AGBL1: variants seen among roughly 807,000 people sequenced by gnomAD.
The protein encoded by AGBL1 is AGBL carboxypeptidase 1.
A neutral mutation model predicts 118.9 loss-of-function variants in AGBL1; 130 were observed. The ratio of observed to expected loss-of-function variants is 1.09; its 90% CI spans 0.95 to 1.26. The LOEUF is 1.26. AGBL1 is among the 50% of genes most tolerant of loss of function. The probability of loss-of-function intolerance (pLI) is 0.00; values close to 1 mark genes in which losing one functional copy is unlikely to be tolerated. For missense variants in AGBL1, 1,584 were observed against 1,298.1 expected, an observed-to-expected ratio of 1.22 and a Z score of -3.38; for synonymous variants, 555 against 478.9, an observed-to-expected ratio of 1.16 and a Z score of -2.08.
chr15:86,754,344 T>C (rs768674701), intron 22 of AGBL1, among the ~76,000 whole-genome samples: 14 of 152,226 alleles, frequency 9.2e-5, no homozygotes, highest in Non-Finnish European at 2.1e-4. Context: ...AGCAACTTGA[T>C]TTTTGGAACT....
chr15:86,332,571 A>G (rs2080289152), intron 17 of AGBL1, among the ~76,000 whole-genome samples: 1 of 150,378 alleles, frequency 6.6e-6, no homozygotes, highest in Non-Finnish European at 1.5e-5. Context: ...GCGTGAACCC[A>G]GGAGGTGGAG....
At position 86,530,670 on chromosome 15, in the gene AGBL1, C is replaced by T. The variant is rs528064592; in HGVS notation, c.2685+7731C>T. On this transcript the variant is annotated intron_variant, in intron 19 of 22. Transcript: ENST00000614907. ...ACAGAATATACATTCTTCTCAGCAC[C>T]ACACCACACCTATTCCAAAATTGAC... 2.6e-3 allele frequency among the ~76,000 whole-genome samples: 401 copies of T among 151,910 alleles called. 1 individual carries two copies. The highest frequency in any genetic ancestry group is 4.0e-3 in the Non-Finnish European group (270 of 67,956).
intron 18 of AGBL1, among the ~76,000 whole-genome samples, chr15:86,471,158 G>T (rs73457604): frequency 0.16 from 24,396 of 152,010 alleles, 2,334 homozygotes; most frequent in African/African-American, 0.26. Flanking sequence ...TTAGTTGTGG[G>T]ATTGACATAA....
chr15:86,886,959 A>T (rs946100588), intron 22 of AGBL1, among the ~76,000 whole-genome samples: 1 of 152,316 alleles, frequency 6.6e-6, no homozygotes, highest in Non-Finnish European at 1.5e-5. Flanking sequence ...ACAGAAGATG[A>T]CACAGATCAA....
At chr15:86,184,841 CA>C (rs1303858124) in intron 5 of AGBL1, among the ~76,000 whole-genome samples, 1 of 152,076 alleles carries the variant, frequency 6.6e-6, no homozygotes, top group East Asian at 1.9e-4. Flanking sequence ...AATCCTAAGC[CA>C]AAAGAACAGA....
chr15:86,984,586 G>A (rs1380297852), intron 23 of AGBL1, among the ~76,000 whole-genome samples: 1 of 151,850 alleles, frequency 6.6e-6, no homozygotes, highest in Non-Finnish European at 1.5e-5. Flanking sequence ...GGCTCGTCTT[G>A]AACACCTGAC....
chr15:86,541,837 A>T (rs1246618453), intron 19 of AGBL1, among the ~76,000 whole-genome samples: 2 of 152,174 alleles, frequency 1.3e-5, no homozygotes, highest in East Asian at 3.8e-4. Flanking sequence ...TGATCTCCTA[A>T]CTAGAATCAA....
At chr15:86,972,166 A>C (rs902676973) in intron 23 of AGBL1, among the ~76,000 whole-genome samples, 2 of 152,070 alleles carry the variant, frequency 1.3e-5, no homozygotes, top group African/African-American at 4.8e-5. Context: ...CTCAGAATCC[A>C]TCTTAACACA....
intron 16 of AGBL1, among the ~76,000 whole-genome samples, chr15:86,285,767 A>G (rs190313772): frequency 6.6e-6 from 1 of 152,336 alleles, no homozygotes; most frequent in East Asian, 1.9e-4. Flanking sequence ...ATAATAACAA[A>G]TTAAAAGATA....
chr15:86,573,598 T>C (rs1377886429), intron 21 of AGBL1, among the ~76,000 whole-genome samples: 2 of 152,206 alleles, frequency 1.3e-5, no homozygotes, highest in African/African-American at 4.8e-5. Flanking sequence ...TTCCTCCTCC[T>C]TTCGTATTCT....
chr15:86,876,273 A>C (rs1425121708), intron 22 of AGBL1, among the ~76,000 whole-genome samples: 1 of 152,164 alleles, frequency 6.6e-6, no homozygotes, highest in Non-Finnish European at 1.5e-5. Context: ...GGAAGGTCAC[A>C]ACCCAGTAAC....
At chr15:86,508,933 G>A (rs917792932) in intron 18 of AGBL1, among the ~76,000 whole-genome samples, 3 of 152,142 alleles carry the variant, frequency 2.0e-5, no homozygotes, top group Non-Finnish European at 4.4e-5. Context: ...TGCCTTAAGT[G>A]TGTTATGACA....
chr15:86,770,886 T>C (rs376530881), intron 22 of AGBL1, among the ~76,000 whole-genome samples: 10 of 152,036 alleles, frequency 6.6e-5, no homozygotes, highest in African/African-American at 1.2e-4. Context: ...GGCCAGTCCT[T>C]CTCAAACCTG....
In AGBL1 at chr15:86,189,606, CT is replaced by C. The variant is rs1411401016; in HGVS notation, c.488+30582del. Among the ~76,000 whole-genome samples the C allele has an allele frequency of 3.9e-5, 6 of 152,228 alleles. No individual in the cohort carries two copies. The East Asian group carries it at 1.2e-3, about 29-fold the overall frequency. On this transcript the variant is annotated intron_variant, in intron 5 of 22. Transcript: ENST00000614907. ...GCTGGTTGTTAAAAAGAGCCTGGCACTTCCCTCCTCTCTCTCTCTTTCTCTT... is the reference window on the plus strand; with the variant it reads ...GCTGGTTGTTAAAAAGAGCCTGGCACTCCCTCCTCTCTCTCTCTTTCTCTT...
At chr15:86,871,606 C>A (rs2079729258) in intron 22 of AGBL1, among the ~76,000 whole-genome samples, 1 of 152,134 alleles carries the variant, frequency 6.6e-6, no homozygotes, top group Non-Finnish European at 1.5e-5. Flanking sequence ...GGTTAACTGC[C>A]TCATTGCCTC....
At chr15:86,420,129 A>G (rs925725895) in intron 18 of AGBL1, among the ~76,000 whole-genome samples, 2 of 152,158 alleles carry the variant, frequency 1.3e-5, no homozygotes, top group Admixed American at 1.3e-4. Flanking sequence ...GGAACAGACT[A>G]CCTCTTCAAG....
At chr15:86,097,906 C>T (rs941552144) in intron 1 of AGBL1, among the ~76,000 whole-genome samples, 2 of 152,114 alleles carry the variant, frequency 1.3e-5, no homozygotes, top group East Asian at 1.9e-4. Flanking sequence ...CTGTTTTCCA[C>T]AGTGGCTGTA....
intron 22 of AGBL1, among the ~76,000 whole-genome samples, chr15:86,786,513 A>C (rs2078415309): frequency 6.6e-6 from 1 of 152,246 alleles, no homozygotes; most frequent in Non-Finnish European, 1.5e-5. Flanking sequence ...TACATACTTA[A>C]CTAATAAGCT....
chr15:86,277,252 A>G (rs2079268988), intron 15 of AGBL1, among the ~76,000 whole-genome samples: 1 of 150,966 alleles, frequency 6.6e-6, no homozygotes, highest in Non-Finnish European at 1.5e-5. Flanking sequence ...TAATATCACC[A>G]AGCTATGGGG....
Sources: gnomAD v4.1 joint callset for allele counts (sites outside exome capture counted in the v4.1 genomes callset) on GRCh38, gnomAD v4.1.1 for gene constraint, MANE v1.5 for transcripts, NCBI Gene and HGNC (gene_info 2026-07-23, HGNC 2026-07-21) for gene names.